Variants in CAMSAP1 observed in about 807,000 individuals in gnomAD.
CAMSAP1 encodes calmodulin-regulated spectrin-associated protein 1.
A neutral mutation model predicts 143.5 loss-of-function variants in CAMSAP1; 58 were observed. The ratio of observed to expected loss-of-function variants is 0.40; its 90% CI spans 0.33 to 0.50. The LOEUF (loss-of-function observed/expected upper bound fraction) is 0.50, where lower values mean the gene tolerates loss of function less well. CAMSAP1 is among the 20% of genes least tolerant of loss of function. The pLI, the probability that CAMSAP1 is intolerant of heterozygous loss-of-function variation, is 0.45. For synonymous variants in CAMSAP1, 945 were observed against 859.3 expected, an observed-to-expected ratio of 1.10 and a Z score of -1.74; for missense variants, 1,969 against 2,115.7, an observed-to-expected ratio of 0.93 and a Z score of 1.36.
intron 5 of CAMSAP1, among the ~76,000 whole-genome samples, chr9:135,857,636 G>A (rs1277479297): frequency 6.6e-6 from 1 of 152,174 alleles, no homozygotes; most frequent in Non-Finnish European, 1.5e-5. Context: ...TCAGGTCAGT[G>A]GCTTTCCTCA....
intron 1 of CAMSAP1, among the ~76,000 whole-genome samples, chr9:135,905,853 T>C (rs960648040): frequency 1.3e-5 from 2 of 152,210 alleles, no homozygotes; most frequent in African/African-American, 4.8e-5. Context: ...CTGACTCAAG[T>C]TTCATACCTA....
rs1483497955 is a variant in CAMSAP1, at chr9:135,826,794, A to G, written c.1223+613T>C. ...ACAGCACAAAGCTCACTCTTACTCC[A>G]AGGGAAGCTTCCTTCACCCCCTCCC... On this transcript the variant is annotated intron_variant, in intron 8 of 16. Transcript: ENST00000389532. The surrounding 1 kb of genome is among the most constrained non-coding windows in gnomAD (Gnocchi z 4.4). 6.6e-6 allele frequency among the ~76,000 whole-genome samples: 1 copy of G among 152,090 alleles called. No individual in the cohort carries two copies. Among genetic ancestry groups the G allele is most frequent in the African/African-American group, 2.4e-5 (1 of 41,410 alleles).
Position 135,811,472 on chromosome 9 carries a change from TTGG to T in CAMSAP1, c.4643_4645del (p.Thr1548del). 1.2e-6 allele frequency: 2 copies of T among 1,612,094 alleles called. No homozygotes were observed. Among genetic ancestry groups the T allele is most frequent in the Non-Finnish European group, 8.5e-7 (1 of 1,178,972 alleles). On this transcript the variant is annotated inframe_deletion, in exon 17 of 17. Transcript: ENST00000389532. This position sits in a 1 kb window ranked among gnomAD's most constrained non-coding sequence, Gnocchi z 4.9. ...TTTATACAGTTTGTCGATCATTTTC[TTGG>T]TGATGTTCTTTGGCCCCGTGCCAGT... is the stretch of plus-strand genomic sequence containing the variant.
intron 1 of CAMSAP1, among the ~76,000 whole-genome samples, chr9:135,905,975 G>C (rs1472939358): frequency 6.6e-6 from 1 of 152,182 alleles, no homozygotes; most frequent in African/African-American, 2.4e-5. Context: ...AACAAGAACT[G>C]TAAAACTGAA....
intron 7 of CAMSAP1, among the ~76,000 whole-genome samples, chr9:135,828,704 C>A (rs897741004): frequency 2.0e-5 from 3 of 152,210 alleles, no homozygotes; most frequent in Non-Finnish European, 2.9e-5. Context: ...GCTGGCCCCA[C>A]GCTTAGATGA....
intron 1 of CAMSAP1, among the ~76,000 whole-genome samples, chr9:135,892,462 G>T (rs1227303053): frequency 2.6e-5 from 4 of 152,190 alleles, no homozygotes; most frequent in Non-Finnish European, 5.9e-5. Flanking sequence ...CCAGCACTTT[G>T]GAAAGCTAAG....
intron 7 of CAMSAP1, among the ~76,000 whole-genome samples, chr9:135,832,638 C>G (rs1307452086): frequency 6.6e-6 from 1 of 152,098 alleles, no homozygotes; most frequent in African/African-American, 2.4e-5. Context: ...CATAGAAAAT[C>G]CTAAAGGCTC....
chr9:135,851,743 C>A (rs1836790318), intron 5 of CAMSAP1, among the ~76,000 whole-genome samples: 1 of 152,238 alleles, frequency 6.6e-6, no homozygotes, highest in Admixed American at 6.5e-5. Context: ...TCAAACAGAT[C>A]TATGTTGATA....
chr9:135,822,189 T>C lies in CAMSAP1; in HGVS notation c.2472A>G (p.Arg824=). ...TGGACTTGGTCTCACAGCTGTTGAG[T>C]CTCTGGAGCTTCCTCTCCGCAAAGC... ...MTSFAERKLQ[R]LNSCETKSST... The change falls in exon 11 of 17, where the codon AGA becomes AGG. Residue 824 remains arginine (R), a synonymous_variant. Transcript: ENST00000389532. This position sits in a 1 kb window ranked among gnomAD's most constrained non-coding sequence, Gnocchi z 6.1. 1 of 1,613,884 alleles carries C rather than the reference T, an allele frequency of 6.2e-7. No homozygotes were observed. The highest frequency in any genetic ancestry group is 8.5e-7 in the Non-Finnish European group (1 of 1,179,882).
intron 5 of CAMSAP1, among the ~76,000 whole-genome samples, chr9:135,861,522 C>G (rs943480628): frequency 1.3e-5 from 2 of 152,150 alleles, no homozygotes; most frequent in Admixed American, 1.3e-4. Flanking sequence ...TCAGGCTGGT[C>G]TCTAACTCCT....
At chr9:135,892,841 A>G (rs946703725) in intron 1 of CAMSAP1, among the ~76,000 whole-genome samples, 4 of 132,722 alleles carry the variant, frequency 3.0e-5, no homozygotes, top group Non-Finnish European at 6.4e-5. Flanking sequence ...ACAGAGCAAG[A>G]CTGTCTCAAA....
chr9:135,833,943 G>A (rs912981489), intron 7 of CAMSAP1, among the ~76,000 whole-genome samples: 1 of 152,172 alleles, frequency 6.6e-6, no homozygotes, highest in Non-Finnish European at 1.5e-5. Flanking sequence ...AAATACATAA[G>A]TAACGCAACT....
chr9:135,899,619 C>T (rs1838558567), intron 1 of CAMSAP1, among the ~76,000 whole-genome samples: 1 of 152,164 alleles, frequency 6.6e-6, no homozygotes, highest in African/African-American at 2.4e-5. Flanking sequence ...GCATTCTGCG[C>T]TCTGGCCTCA....
intron 16 of CAMSAP1, among the ~76,000 whole-genome samples, chr9:135,813,427 A>C (rs1835122657): frequency 6.6e-6 from 1 of 152,264 alleles, no homozygotes; most frequent in South Asian, 2.1e-4. Context: ...AAAGAATCCA[A>C]AACTGTCTAT....
chr9:135,865,883 C>T (rs1489634127), intron 4 of CAMSAP1, among the ~76,000 whole-genome samples: 2 of 152,180 alleles, frequency 1.3e-5, no homozygotes, highest in Non-Finnish European at 2.9e-5. Flanking sequence ...TATAGATGGT[C>T]GGGCTGCATC....
chr9:135,819,519 C>T (rs1835364733), intron 11 of CAMSAP1, among the ~76,000 whole-genome samples: 2 of 151,568 alleles, frequency 1.3e-5, no homozygotes, highest in Admixed American at 1.3e-4. Context: ...CCCAACATGG[C>T]GAAACCCTGT....
chr9:135,857,125 G>C (rs1837006961), intron 5 of CAMSAP1, among the ~76,000 whole-genome samples: 1 of 152,186 alleles, frequency 6.6e-6, no homozygotes, highest in Non-Finnish European at 1.5e-5. Flanking sequence ...GGTAGGCTTT[G>C]CCATGGCCCT....
At chr9:135,895,145 C>T (rs756708455) in intron 1 of CAMSAP1, among the ~76,000 whole-genome samples, 12 of 152,070 alleles carry the variant, frequency 7.9e-5, no homozygotes, top group East Asian at 5.8e-4. Context: ...GTTCTATCAC[C>T]GGAGCCCAGA....
Position 135,821,017 on chromosome 9 carries a change from A to C in CAMSAP1, c.3644T>G (p.Val1215Gly), listed in dbSNP as rs749655979. The C allele has an allele frequency of 6.2e-7, 1 of 1,613,030 alleles. No individual in the cohort carries two copies. Among genetic ancestry groups the C allele is most frequent in the East Asian group, 2.2e-5 (1 of 44,858 alleles). Residue 1215 changes from valine (V) to glycine (G), a missense_variant, in exon 11 of 17, where the codon GTC (valine) becomes GGC (glycine). Coordinates refer to ENST00000389532, the MANE Select transcript of CAMSAP1 (RefSeq NM_015447.4). This position sits in a 1 kb window ranked among gnomAD's most constrained non-coding sequence, Gnocchi z 4.6. ...CACGGGGACGCTCTCTTTTCCCGAG[A>C]CATCTGAGGAGCTGGACCCCACCTC... ...VKEVGSSSSD[V>G]SGKESVPVEE...
Sources: gnomAD v4.1 joint callset for allele counts (sites outside exome capture counted in the v4.1 genomes callset) on GRCh38, gnomAD v4.1.1 for gene constraint, Gnocchi (gnomAD v3.1) non-coding constraint, MANE v1.5 for transcripts, NCBI Gene and HGNC (gene_info 2026-07-23, HGNC 2026-07-21) for gene names.